Variants in TMC1 observed in about 807,000 individuals in gnomAD.
TMC1 encodes transmembrane channel like 1.
TMC1 carries 84 observed loss-of-function variants against 105.8 expected under a neutral mutation model. The observed-to-expected ratio is 0.79, with a 90% CI of 0.67 to 0.95. TMC1 has a LOEUF of 0.95. Among genes scored for constraint, TMC1 ranks in the 40% least tolerant of loss-of-function variants. The pLI is 0.00. For synonymous variants in TMC1, 315 were observed against 311.5 expected (o/e 1.01, Z -0.12); for missense variants, 817 against 914.1 (o/e 0.89, Z 1.37).
chr9:72,761,801 A>T (rs753278676), intron 12 of TMC1, among the ~76,000 whole-genome samples: 2 of 152,232 alleles, frequency 1.3e-5, no homozygotes, highest in Non-Finnish European at 2.9e-5. Context: ...TCTCTCAAAC[A>T]TATCTCAGTT....
At chr9:72,522,380 C>A (rs889313209) in intron 1 of TMC1, among the ~76,000 whole-genome samples, 5 of 152,136 alleles carry the variant, frequency 3.3e-5, no homozygotes, top group African/African-American at 1.2e-4. Flanking sequence ...GGATTACAGG[C>A]GTGAGCCACC....
At chr9:72,540,749 C>A (rs1185561435) in intron 1 of TMC1, among the ~76,000 whole-genome samples, 1 of 152,138 alleles carries the variant, frequency 6.6e-6, no homozygotes, top group Non-Finnish European at 1.5e-5. Flanking sequence ...TGGCCACATG[C>A]TGTAGTGGTT....
In TMC1 at chr9:72,648,455, C is replaced by T. The variant is rs888956180; in HGVS notation, c.-52-142C>T. 268 of 638,040 alleles carry T rather than the reference C, an allele frequency of 4.2e-4. 1 individual carries two copies. The African/African-American group carries it at 4.3e-3, about 10-fold the overall frequency. The allele number at this position is 638,040 out of a possible 1,614,324, so 39.5% of individuals were successfully genotyped here. Reference sequence around the variant, plus strand: ...TCCCTTAAATGGCAAACTAAACATTCGTGAAAATTTAATGGTGAGGAAATG... The same window carrying T: ...TCCCTTAAATGGCAAACTAAACATTTGTGAAAATTTAATGGTGAGGAAATG... On this transcript the variant is annotated intron_variant, in intron 4 of 23. Transcript: ENST00000297784.
intron 5 of TMC1, among the ~76,000 whole-genome samples, chr9:72,677,583 T>TA (rs1826222895): frequency 6.6e-6 from 1 of 152,022 alleles, no homozygotes; most frequent in South Asian, 2.1e-4. Flanking sequence ...TGGCAAGGAG[T>TA]AAGTGCTCCA....
chr9:72,567,309 T>G (rs1373922631), intron 1 of TMC1, among the ~76,000 whole-genome samples: 1 of 152,214 alleles, frequency 6.6e-6, no homozygotes, highest in African/African-American at 2.4e-5. Context: ...TATGTCTTCT[T>G]TGTTCATCAC....
chr9:72,605,416 G>A (rs1824896203), intron 2 of TMC1, among the ~76,000 whole-genome samples: 1 of 152,052 alleles, frequency 6.6e-6, no homozygotes, highest in Non-Finnish European at 1.5e-5. Flanking sequence ...CATGCATTCT[G>A]GAGGCCAGAA....
chr9:72,790,205 T>C (rs930503281), intron 15 of TMC1, among the ~76,000 whole-genome samples: 1 of 152,186 alleles, frequency 6.6e-6, no homozygotes, highest in Non-Finnish European at 1.5e-5. Flanking sequence ...ACTGAAACTT[T>C]TGCAGAACAG....
intron 8 of TMC1, among the ~76,000 whole-genome samples, chr9:72,728,588 G>A (rs1827159346): frequency 6.6e-6 from 1 of 151,810 alleles, no homozygotes; most frequent in African/African-American, 2.4e-5. Context: ...CATATTTTGG[G>A]GTGCCATATT....
intron 5 of TMC1, among the ~76,000 whole-genome samples, chr9:72,684,179 A>G (rs1320414969): frequency 6.6e-6 from 1 of 152,146 alleles, no homozygotes; most frequent in Non-Finnish European, 1.5e-5. Flanking sequence ...CTCAATTCTC[A>G]TTAGATCTTT....
chr9:72,701,207 T>C (rs2501917), intron 8 of TMC1, among the ~76,000 whole-genome samples: 34,754 of 152,178 alleles, frequency 0.23, 4,306 homozygotes, highest in East Asian at 0.39. Flanking sequence ...GCCAACAGAA[T>C]AGTAAATAGG....
intron 5 of TMC1, among the ~76,000 whole-genome samples, chr9:72,677,210 A>C (rs1826217443): frequency 6.6e-6 from 1 of 151,892 alleles, no homozygotes; most frequent in Non-Finnish European, 1.5e-5. Flanking sequence ...CTGCAGGCCA[A>C]AGGCTTGAGA....
intron 13 of TMC1, among the ~76,000 whole-genome samples, chr9:72,775,575 G>C (rs1034946803): frequency 6.6e-6 from 1 of 152,152 alleles, no homozygotes; most frequent in Non-Finnish European, 1.5e-5. Context: ...ATCATTTTGA[G>C]AATGCATGTC....
At chr9:72,746,930 T>C (rs1827499407) in intron 10 of TMC1, among the ~76,000 whole-genome samples, 1 of 152,212 alleles carries the variant, frequency 6.6e-6, no homozygotes, top group Admixed American at 6.5e-5. Flanking sequence ...CTCATTGAAC[T>C]GTGTATTTTT....
chr9:72,611,254 A>G (rs979023567), intron 2 of TMC1, among the ~76,000 whole-genome samples: 1 of 152,238 alleles, frequency 6.6e-6, no homozygotes, highest in Non-Finnish European at 1.5e-5. Flanking sequence ...AGAAGCACCC[A>G]TGAAGGATAT....
intron 2 of TMC1, among the ~76,000 whole-genome samples, chr9:72,583,154 G>A (rs1375815341): frequency 1.3e-5 from 2 of 152,046 alleles, no homozygotes; most frequent in South Asian, 2.1e-4. Flanking sequence ...CCTGGGAGGC[G>A]GAGGTTGCAA....
intron 3 of TMC1, among the ~76,000 whole-genome samples, chr9:72,616,894 C>T (rs1298199198): frequency 1.3e-5 from 2 of 152,070 alleles, no homozygotes; most frequent in Admixed American, 6.6e-5. Context: ...CATCAAATCA[C>T]ATTAGTGTTG....
intron 1 of TMC1, among the ~76,000 whole-genome samples, chr9:72,543,463 C>T (rs1216548882): frequency 6.6e-6 from 1 of 152,184 alleles, no homozygotes; most frequent in East Asian, 1.9e-4. Context: ...CAATTTTCTG[C>T]AATGCAGCCA....
At chr9:72,758,643 A>G (rs1473820052) in intron 12 of TMC1, among the ~76,000 whole-genome samples, 12 of 152,284 alleles carry the variant, frequency 7.9e-5, no homozygotes. Context: ...CTCCCATAGA[A>G]TGGGCAGAGA....
At chr9:72,576,008 G>A (rs1403948590) in intron 1 of TMC1, among the ~76,000 whole-genome samples, 1 of 152,078 alleles carries the variant, frequency 6.6e-6, no homozygotes, top group Non-Finnish European at 1.5e-5. Context: ...AGGGGACCCA[G>A]GACAATGACA....
Sources: allele counts gnomAD v4.1 joint callset (sites outside exome capture counted in the v4.1 genomes callset), GRCh38; gene constraint gnomAD v4.1.1; transcripts MANE v1.5; gene names NCBI Gene and HGNC (gene_info 2026-07-23, HGNC 2026-07-21).